The following PHLPP2 variants were observed in gnomAD, a reference collection of about 807,000 sequenced individuals.
PHLPP2 encodes PH domain leucine-rich repeat-containing protein phosphatase 2.
PHLPP2 carries 66 observed loss-of-function variants against 124.9 expected under a neutral mutation model. The observed-to-expected ratio is 0.53, with a 90% confidence interval of 0.43 to 0.65. The LOEUF is 0.65. Ranked by LOEUF, PHLPP2 falls within the 30% of genes least tolerant of loss-of-function variation. The pLI is 0.00. For synonymous variants in PHLPP2, 681 were observed against 624.7 expected (o/e 1.09, Z -1.34); for missense variants, 1,685 against 1,600.4 (o/e 1.05, Z -0.90).
At chr16:71,681,609 C>A in intron 6 of PHLPP2, 142 bp downstream of exon 6, 1 of 580,698 alleles carries the variant, frequency 1.7e-6, no homozygotes, top group Non-Finnish European at 2.9e-6. Flanking sequence ...TAGGAGAACT[C>A]TGTGAATAAA....
At chr16:71,717,903 T>C (rs907477860) in intron 1 of PHLPP2, among the ~76,000 whole-genome samples, 16 of 152,140 alleles carry the variant, frequency 1.1e-4, no homozygotes, top group Non-Finnish European at 2.2e-4. Context: ...GAAGTTTTGT[T>C]TGTTTTGAGA....
chr16:71,683,750 T>A (rs571606825), intron 5 of PHLPP2, among the ~76,000 whole-genome samples: 55 of 152,310 alleles, frequency 3.6e-4, no homozygotes, highest in South Asian at 1.9e-3. Context: ...AATTAAAAAT[T>A]ATAATTTGCT....
intron 3 of PHLPP2, among the ~76,000 whole-genome samples, chr16:71,701,720 C>T (rs1260466078): frequency 1.3e-5 from 2 of 149,716 alleles, no homozygotes; most frequent in African/African-American, 4.9e-5. Context: ...TCTTGCTTTC[C>T]AAGGTTTTAG....
chr16:71,716,461 A>G (rs1306637785), intron 1 of PHLPP2, among the ~76,000 whole-genome samples: 1 of 152,244 alleles, frequency 6.6e-6, no homozygotes, highest in Admixed American at 6.5e-5. Flanking sequence ...AAGTTATCTC[A>G]AAGCAAAAAC....
chr16:71,663,663 A>G (rs1296578355), intron 13 of PHLPP2, among the ~76,000 whole-genome samples: 1 of 152,248 alleles, frequency 6.6e-6, no homozygotes, highest in Non-Finnish European at 1.5e-5. Context: ...CTATTAGACC[A>G]TAATTAAGAA....
intron 2 of PHLPP2, among the ~76,000 whole-genome samples, chr16:71,705,960 G>A (rs988068431): frequency 3.9e-5 from 6 of 152,150 alleles, no homozygotes; most frequent in African/African-American, 1.4e-4. Flanking sequence ...TATTGGGGAG[G>A]GAAATGCTAT....
In PHLPP2 at chr16:71,702,683, T is replaced by C. The variant is rs371624991; in HGVS notation, c.333A>G (p.Leu111=). The C allele has an allele frequency of 2.2e-5, 36 of 1,611,190 alleles. No individual in the cohort carries two copies. The highest frequency in any genetic ancestry group is 1.4e-4 in the South Asian group (13 of 90,900). ...ERPLQIVYDY[L]SRLGFDDPVR... ...CAGGATCATCAAATCCCAGCCTGGATAAGTAATCATAAACGATCTGAAGAG... is the reference window on the plus strand; with the variant it reads ...CAGGATCATCAAATCCCAGCCTGGACAAGTAATCATAAACGATCTGAAGAG... Residue 111 remains leucine, a synonymous_variant, in exon 3 of 19, where the codon TTA becomes TTG. Coordinates refer to ENST00000568954, the MANE Select transcript of PHLPP2 (RefSeq NM_015020.3).
rs1243619582 is a variant in PHLPP2, at chr16:71,681,025, G to A, written c.890+726C>T. On this transcript the variant is annotated intron_variant, in intron 6 of 18. Coordinates refer to ENST00000568954, the MANE Select transcript of PHLPP2 (RefSeq NM_015020.3). ...CATTTTCTGGACATTAGAATTATTA[G>A]CTATTAAGGAAGTACGTAAAATATG... Among the ~76,000 whole-genome samples, 7 of 152,168 alleles carry A rather than the reference G, an allele frequency of 4.6e-5. No homozygotes were observed. In the South Asian group the frequency reaches 1.5e-3, roughly 32 times the overall value.
chr16:71,714,016 C>T (rs1267492715), intron 2 of PHLPP2, among the ~76,000 whole-genome samples: 2 of 150,804 alleles, frequency 1.3e-5, no homozygotes, highest in Non-Finnish European at 1.5e-5. Flanking sequence ...CTCGGCTCAC[C>T]GCAACCTTGG....
chr16:71,676,767 G>C (rs75485098), intron 8 of PHLPP2, 118 bp from the exon 9 acceptor site: 1 of 706,800 alleles, frequency 1.4e-6, no homozygotes, highest in Non-Finnish European at 2.3e-6. Context: ...TTTTTTTTTT[G>C]AGATGGAGTT....
chr16:71,660,421 A>ATT (rs34944080), intron 13 of PHLPP2, among the ~76,000 whole-genome samples: 27 of 72,628 alleles, frequency 3.7e-4, no homozygotes, highest in Admixed American at 7.6e-4. Flanking sequence ...TATACACTGT[A>ATT]TTTTTTTTTT....
At chr16:71,684,753 T>C (rs976771725) in intron 4 of PHLPP2, 152 bp from the exon 5 acceptor site, 1 of 649,570 alleles carries the variant, frequency 1.5e-6, no homozygotes, top group African/African-American at 1.8e-5. Flanking sequence ...CATCTGCCAA[T>C]GGGTCACACA....
At chr16:71,684,030 G>A (rs1473612789) in intron 5 of PHLPP2, among the ~76,000 whole-genome samples, 1 of 151,630 alleles carries the variant, frequency 6.6e-6, no homozygotes, top group African/African-American at 2.4e-5. Context: ...GACCTCAGGT[G>A]ATCCACCTGC....
rs57755507 is a variant in PHLPP2 at position 71,689,385 on chromosome 16, CTTTTTTTTTT to C, written c.609+1124_609+1133del. On this transcript the variant is annotated intron_variant, in intron 4 of 18. Coordinates refer to ENST00000568954, the MANE Select transcript of PHLPP2 (RefSeq NM_015020.3). ...TCAGGCGCCACACCACTACACCTGG[CTTTTTTTTTT>C]TTTTTTTTTTTTTTTGAGACGAAGT... Among the ~76,000 whole-genome samples, 129 of 62,562 alleles carry C rather than the reference CTTTTTTTTTT, an allele frequency of 2.1e-3. 1 individual carries two copies. The highest frequency in any genetic ancestry group is 8.5e-3 in the African/African-American group (120 of 14,090). The allele number at this position is 62,562 out of a possible 152,430, so 41.0% of individuals were successfully genotyped here.
At position 71,703,153 on chromosome 16, in the gene PHLPP2, C is replaced by G. The variant is rs569043652; in HGVS notation, c.285-422G>C. ...CATGGCTGAGTAGTAACTCAACATA[C>G]AAAATCTGCTCTTGATTTTTATTCC... On this transcript the variant is annotated intron_variant, in intron 2 of 18. Coordinates refer to ENST00000568954, the MANE Select transcript of PHLPP2 (RefSeq NM_015020.3). Among the ~76,000 whole-genome samples, 5 of 152,244 alleles carry G rather than the reference C, an allele frequency of 3.3e-5. No individual in the cohort carries two copies. In the East Asian group the frequency reaches 7.7e-4, roughly 23 times the overall value.
At chr16:71,650,683 G>A (rs527671209) in intron 18 of PHLPP2, among the ~76,000 whole-genome samples, 30 of 152,306 alleles carry the variant, frequency 2.0e-4, no homozygotes, top group African/African-American at 6.7e-4. Context: ...TCACAAGCCA[G>A]ACACTTTGTT....
intron 9 of PHLPP2, among the ~76,000 whole-genome samples, chr16:71,674,251 G>A (rs953405331): frequency 2.6e-5 from 4 of 151,894 alleles, no homozygotes; most frequent in African/African-American, 9.7e-5. Context: ...CTAATTTTTT[G>A]TATTTTTAGT....
intron 1 of PHLPP2, among the ~76,000 whole-genome samples, chr16:71,721,616 T>A (rs1248061038): frequency 6.7e-6 from 1 of 150,002 alleles, no homozygotes; most frequent in African/African-American, 2.5e-5. Context: ...CTTTTTAAAT[T>A]TTTTTTGGCA....
Position 71,650,432 on chromosome 16 carries a change from T to G in PHLPP2, c.2818-388A>C, listed in dbSNP as rs376559911. Reference sequence around the variant, plus strand: ...AAACAGAAAGGTCACTAAAAGTGATTTCTCACTTAAAGGGATGTCAGCTGG... The same window carrying G: ...AAACAGAAAGGTCACTAAAAGTGATGTCTCACTTAAAGGGATGTCAGCTGG... On this transcript the variant is annotated intron_variant, in intron 18 of 18. Coordinates refer to ENST00000568954, the MANE Select transcript of PHLPP2 (RefSeq NM_015020.3). 2.0e-5 allele frequency among the ~76,000 whole-genome samples: 3 copies of G among 152,170 alleles called. No individual in the cohort carries two copies. In the East Asian group the frequency reaches 5.8e-4, roughly 29 times the overall value.
Sources: gnomAD v4.1 joint callset for allele counts (sites outside exome capture counted in the v4.1 genomes callset) on GRCh38, gnomAD v4.1.1 for gene constraint, MANE v1.5 for transcripts, NCBI Gene and HGNC (gene_info 2026-07-23, HGNC 2026-07-21) for gene names.